DDX4: variants seen among roughly 807,000 people sequenced by gnomAD.
DDX4 encodes the protein DEAD-box helicase 4.
In DDX4, 25 loss-of-function variants were observed where a neutral mutation model predicts 100.0. The ratio of observed to expected loss-of-function variants is 0.25; its 90% CI spans 0.18 to 0.35. DDX4 has a LOEUF of 0.35. Ranked by LOEUF, DDX4 falls within the 10% of genes least tolerant of loss-of-function variation. DDX4 has a pLI of 1.00. For missense variants in DDX4, 635 were observed against 882.4 expected, an observed-to-expected ratio of 0.72 and a Z score of 3.55; for synonymous variants, 259 against 275.7, an observed-to-expected ratio of 0.94 and a Z score of 0.60.
At chr5:55,754,227 G>A (rs1759774206) in intron 3 of DDX4, among the ~76,000 whole-genome samples, 3 of 150,890 alleles carry the variant, frequency 2.0e-5, no homozygotes, top group Non-Finnish European at 3.0e-5. Context: ...GGAGTGGTGA[G>A]AGAAGGCATC....
intron 9 of DDX4, 122 bp downstream of exon 9, chr5:55,781,268 G>T (rs908910281): frequency 1.0e-5 from 7 of 670,014 alleles, no homozygotes; most frequent in African/African-American, 9.3e-5. Context: ...TCTGCTTTTA[G>T]ATCTGTAGGT....
chr5:55,748,021 G>C (rs1395410600), intron 3 of DDX4, among the ~76,000 whole-genome samples: 1 of 152,354 alleles, frequency 6.6e-6, no homozygotes, highest in East Asian at 1.9e-4. Flanking sequence ...GATAGTTTGA[G>C]AGTCAGTTTA....
At chr5:55,755,785 G>T (rs374925917) in intron 3 of DDX4, among the ~76,000 whole-genome samples, 1 of 151,822 alleles carries the variant, frequency 6.6e-6, no homozygotes, top group Non-Finnish European at 1.5e-5. Context: ...AAGATACACA[G>T]CATAAATGTA....
chr5:55,780,172 C>G (rs1167672290), intron 8 of DDX4, 107 bp downstream of exon 8: 1 of 1,491,560 alleles, frequency 6.7e-7, no homozygotes, highest in South Asian at 1.3e-5. Flanking sequence ...ATGAGAATAG[C>G]TTAGCTCAGT....
chr5:55,742,082 C>T, intron 2 of DDX4: 1 of 441,128 alleles, frequency 2.3e-6, no homozygotes, highest in Admixed American at 2.4e-5. Flanking sequence ...GGTAGAACTT[C>T]TCAATTCTAA....
At chr5:55,751,093 C>T (rs958775790) in intron 3 of DDX4, among the ~76,000 whole-genome samples, 2 of 152,178 alleles carry the variant, frequency 1.3e-5, no homozygotes, top group Admixed American at 1.3e-4. Context: ...TCAAAAATTG[C>T]TCTCCAGAAT....
chr5:55,787,863 A>G lies in DDX4; in HGVS notation c.1035A>G (p.Pro345=), dbSNP rs1398704682. 7.4e-6 allele frequency: 12 copies of G among 1,612,386 alleles called. No homozygotes were observed. The highest frequency in any genetic ancestry group is 9.3e-6 in the Non-Finnish European group (11 of 1,179,610). ...ACTTCTAGGCGGCTTTTCTCCTACC[A>G]ATTTTGGCTCATATGATGCATGATG... ...GSGKTAAFLL[P]ILAHMMHDGI... The change falls in exon 15 of 22, where the codon CCA becomes CCG. Residue 345 remains proline (P), a synonymous_variant. Transcript: ENST00000505374.
At chr5:55,797,853 C>G (rs1673200408) in intron 17 of DDX4, among the ~76,000 whole-genome samples, 1 of 152,184 alleles carries the variant, frequency 6.6e-6, no homozygotes, top group African/African-American at 2.4e-5. Context: ...CTGGGCCTTT[C>G]ATCTCGTCTC....
At chr5:55,747,119 A>C (rs775702067) in intron 3 of DDX4, among the ~76,000 whole-genome samples, 14 of 152,172 alleles carry the variant, frequency 9.2e-5, no homozygotes, top group Non-Finnish European at 1.6e-4. Flanking sequence ...ATGGTGGCTC[A>C]TGCCTGTAAT....
At chr5:55,814,561 A>G (rs1744283359) in intron 19 of DDX4, among the ~76,000 whole-genome samples, 1 of 151,862 alleles carries the variant, frequency 6.6e-6, no homozygotes, top group African/African-American at 2.4e-5. Flanking sequence ...CAATGGCACG[A>G]TCTCAGCTCA....
intron 18 of DDX4, among the ~76,000 whole-genome samples, chr5:55,802,145 G>A (rs572016590): frequency 3.3e-4 from 51 of 152,280 alleles, no homozygotes; most frequent in African/African-American, 1.2e-3. Flanking sequence ...AGTTGGACAG[G>A]TAACTTGTCC....
chr5:55,782,062 G>A (rs1741947193), intron 10 of DDX4, 81 bp downstream of exon 10: 2 of 1,506,826 alleles, frequency 1.3e-6, no homozygotes, highest in Admixed American at 1.9e-5. Context: ...TTCACTGGTT[G>A]GAAACAAATT....
At chr5:55,741,442 C>T (rs1057296644) in intron 2 of DDX4, among the ~76,000 whole-genome samples, 1 of 152,104 alleles carries the variant, frequency 6.6e-6, no homozygotes, top group Non-Finnish European at 1.5e-5. Context: ...TTAGTTGACT[C>T]GAAGGAACAT....
At chr5:55,760,108 TC>T (rs1760223727) in intron 3 of DDX4, 91 bp from the exon 4 acceptor site, 6 of 1,383,030 alleles carry the variant, frequency 4.3e-6, no homozygotes, top group Non-Finnish European at 5.8e-6. Context: ...ATAAAATTTC[TC>T]CTTTGCCACA....
chr5:55,742,218 G>GTGAGT, intron 2 of DDX4: 1 of 456,322 alleles, frequency 2.2e-6, no homozygotes, highest in Non-Finnish European at 4.4e-6. Context: ...GTTGCCTGCA[G>GTGAGT]GCTTATTGGG....
intron 15 of DDX4, among the ~76,000 whole-genome samples, chr5:55,789,798 C>T (rs1232915521): frequency 6.6e-6 from 1 of 152,084 alleles, no homozygotes; most frequent in African/African-American, 2.4e-5. Flanking sequence ...ATGAGGCCAG[C>T]CTTACCCACA....
chr5:55,753,586 A>G (rs1167900613), intron 3 of DDX4, among the ~76,000 whole-genome samples: 1 of 151,914 alleles, frequency 6.6e-6, no homozygotes, highest in Non-Finnish European at 1.5e-5. Flanking sequence ...CTTGTAGTAT[A>G]GTTTGAAGTC....
At chr5:55,783,702 G>A (rs1561500818) in intron 10 of DDX4, among the ~76,000 whole-genome samples, 1 of 148,014 alleles carries the variant, frequency 6.8e-6, no homozygotes, top group Non-Finnish European at 1.5e-5. Flanking sequence ...TGGATGGATG[G>A]ATGAGAAGGA....
At position 55,792,790 on chromosome 5, in the gene DDX4, T is replaced by C. The variant is rs1742661478; in HGVS notation, c.1452T>C (p.Phe484=). ...QRQTLMFSAT[F]PEEIQRLAAE... is the part of the protein sequence containing the mutation. ...AAACCCTTATGTTCAGTGCAACTTT[T>C]CCAGAGGAAATTCAAAGGTTAAGTT... The change falls in exon 17 of 22, where the codon TTT becomes TTC. Residue 484 remains phenylalanine (F), a synonymous_variant. Transcript: ENST00000505374. 2 of 1,428,906 alleles carry C rather than the reference T, an allele frequency of 1.4e-6. No homozygotes were observed. The highest frequency in any genetic ancestry group is 1.8e-6 in the Non-Finnish European group (2 of 1,087,904). 88.5% of individuals were successfully genotyped at this position (1,428,906 alleles called of 1,614,324 possible). A position where few individuals can be genotyped will look rare whatever the true frequency, so the allele number is the denominator to read the frequency against.
Sources: gnomAD v4.1 joint callset for allele counts (sites outside exome capture counted in the v4.1 genomes callset) on GRCh38, gnomAD v4.1.1 for gene constraint, MANE v1.5 for transcripts, NCBI Gene and HGNC (gene_info 2026-07-23, HGNC 2026-07-21) for gene names.